The following TBCE variants were observed in gnomAD, a reference collection of about 807,000 sequenced individuals.
The protein encoded by TBCE is tubulin-specific chaperone E.
TBCE carries 53 observed loss-of-function variants against 77.0 expected under a neutral mutation model. That is an observed-to-expected ratio of 0.69 (90% CI 0.55 to 0.87). The LOEUF is 0.87. TBCE is among the 40% of genes least tolerant of loss of function. The pLI is 0.00. For missense variants in TBCE, 624 were observed against 622.4 expected (o/e 1.00, Z -0.03); for synonymous variants, 235 against 241.3 (o/e 0.97, Z 0.24).
intron 6 of TBCE, chr1:235,430,383 A>G (rs186029411): frequency 6.0e-4 from 189 of 313,888 alleles, no homozygotes; most frequent in African/African-American, 3.7e-3. Flanking sequence ...ATCCAGAGCC[A>G]TATCTTGTGA....
At chr1:235,376,557 G>C (rs896762656) in intron 1 of TBCE, among the ~76,000 whole-genome samples, 7 of 152,088 alleles carry the variant, frequency 4.6e-5, no homozygotes, top group Non-Finnish European at 1.0e-4. Flanking sequence ...CCTCTTCTTA[G>C]GGACTAGAGC....
At chr1:235,446,487 AC>A (rs1447071975) in intron 15 of TBCE, among the ~76,000 whole-genome samples, 1 of 151,956 alleles carries the variant, frequency 6.6e-6, no homozygotes, top group African/African-American at 2.4e-5. Flanking sequence ...TAAAACCTAT[AC>A]ATCCTTATAT....
chr1:235,379,302 T>C (rs766657461), intron 1 of TBCE, among the ~76,000 whole-genome samples: 10 of 151,460 alleles, frequency 6.6e-5, no homozygotes, highest in Non-Finnish European at 1.5e-4. Flanking sequence ...CAGAGGAGGG[T>C]GGATCACCTG....
At chr1:235,375,610 TAGA>T (rs1196531594) in intron 1 of TBCE, among the ~76,000 whole-genome samples, 2 of 152,132 alleles carry the variant, frequency 1.3e-5, no homozygotes, top group East Asian at 1.9e-4. Flanking sequence ...GGTTACTAGC[TAGA>T]AGAAGAGGGT....
intron 14 of TBCE, among the ~76,000 whole-genome samples, chr1:235,442,648 G>A (rs1681972771): frequency 6.6e-6 from 1 of 152,128 alleles, no homozygotes; most frequent in Non-Finnish European, 1.5e-5. Flanking sequence ...GTACTAAGTG[G>A]GGAAAAGGGA....
At chr1:235,437,193 C>T in intron 11 of TBCE, 129 bp from the exon 12 acceptor site, 1 of 1,067,322 alleles carries the variant, frequency 9.4e-7, no homozygotes, top group Non-Finnish European at 1.4e-6. Context: ...GAGGGGATTG[C>T]TTAGTGCATG....
At chr1:235,377,708 A>C (rs553975247) in intron 1 of TBCE, among the ~76,000 whole-genome samples, 1 of 150,886 alleles carries the variant, frequency 6.6e-6, no homozygotes, top group African/African-American at 2.4e-5. Flanking sequence ...CAGAAGTACA[A>C]TGGCTCGATC....
chr1:235,451,088 C>T lies in TBCE; in HGVS notation c.*2326C>T, dbSNP rs541437224. ...ACTGAGTCAGCCTGTGCCTTGAAGG[C>T]AGCTGCTGATCCTTGGGTTTGGAAG... is the stretch of plus-strand genomic sequence containing the variant. On this transcript the variant is annotated 3_prime_UTR_variant, in exon 17 of 17. Transcript: ENST00000642610. The T allele has an allele frequency of 6.6e-6, 1 of 152,336 alleles. No homozygotes were observed. The highest frequency in any genetic ancestry group is 1.5e-5 in the Non-Finnish European group (1 of 68,064). The allele number at this position is 152,336 out of a possible 1,614,324, so 9.4% of individuals were successfully genotyped here.
At chr1:235,380,945 C>G (rs1448279153) in intron 2 of TBCE, among the ~76,000 whole-genome samples, 1 of 152,070 alleles carries the variant, frequency 6.6e-6, no homozygotes, top group Non-Finnish European at 1.5e-5. Flanking sequence ...GCCACCACAC[C>G]CGACTAATTT....
intron 9 of TBCE, chr1:235,436,050 T>C (rs1432040104): frequency 3.3e-6 from 2 of 610,842 alleles, no homozygotes; most frequent in Non-Finnish European, 5.8e-6. Flanking sequence ...CTGTACCAGA[T>C]AATTTGAAGA....
chr1:235,401,275 G>A (rs1679084814), intron 2 of TBCE, among the ~76,000 whole-genome samples: 1 of 152,028 alleles, frequency 6.6e-6, no homozygotes, highest in East Asian at 1.9e-4. Context: ...ATAAATTTTA[G>A]CCATTCTTGT....
intron 2 of TBCE, among the ~76,000 whole-genome samples, chr1:235,385,761 C>G (rs1312225093): frequency 2.6e-5 from 4 of 152,138 alleles, no homozygotes; most frequent in Non-Finnish European, 4.4e-5. Context: ...TGGGTCTTGA[C>G]TCTTTATCCA....
At chr1:235,438,353 C>T (rs912087830) in intron 12 of TBCE, among the ~76,000 whole-genome samples, 29 of 152,124 alleles carry the variant, frequency 1.9e-4, no homozygotes, top group African/African-American at 6.5e-4. Flanking sequence ...CGAGACCATC[C>T]TGGCTAACAC....
chr1:235,427,839 T>C (rs1680816805), intron 6 of TBCE, among the ~76,000 whole-genome samples: 1 of 152,012 alleles, frequency 6.6e-6, no homozygotes. Flanking sequence ...GAGACCAGCC[T>C]GACCAACATG....
chr1:235,448,249 C>T (rs757179163), intron 15 of TBCE, 100 bp from the exon 16 acceptor site: 234 of 712,100 alleles, frequency 3.3e-4, no homozygotes, highest in Non-Finnish European at 2.1e-4. Flanking sequence ...AAGACAGATA[C>T]AGCTATCATT....
chr1:235,419,052 C>G (rs1281072662), intron 4 of TBCE: 1 of 285,970 alleles, frequency 3.5e-6, no homozygotes, highest in Non-Finnish European at 6.8e-6. Flanking sequence ...ACTAAAAACA[C>G]AAAAATTAGC....
chr1:235,376,661 C>T (rs189704212), intron 1 of TBCE, among the ~76,000 whole-genome samples: 10 of 152,174 alleles, frequency 6.6e-5, no homozygotes, highest in African/African-American at 1.4e-4. Context: ...TGGTCTGACC[C>T]GTATGTTGAT....
At chr1:235,420,072 G>A (rs1195418091) in intron 5 of TBCE, among the ~76,000 whole-genome samples, 1 of 151,912 alleles carries the variant, frequency 6.6e-6, no homozygotes, top group Non-Finnish European at 1.5e-5. Flanking sequence ...GACAGAACAA[G>A]ACTTCATCTC....
At chr1:235,407,989 T>C (rs1269379416) in intron 3 of TBCE, among the ~76,000 whole-genome samples, 1 of 152,168 alleles carries the variant, frequency 6.6e-6, no homozygotes, top group African/African-American at 2.4e-5. Context: ...CAAGCAATGG[T>C]AGAAGTTCTC....
Sources: gnomAD v4.1 joint callset for allele counts (sites outside exome capture counted in the v4.1 genomes callset) on GRCh38, gnomAD v4.1.1 for gene constraint, MANE v1.5 for transcripts, NCBI Gene and HGNC (gene_info 2026-07-23, HGNC 2026-07-21) for gene names.